Variants in VEPH1 observed in about 807,000 individuals in gnomAD.
VEPH1 encodes the protein ventricular zone-expressed PH domain-containing protein homolog 1.
A neutral mutation model predicts 85.2 loss-of-function variants in VEPH1; 80 were observed. The ratio of observed to expected loss-of-function variants is 0.94; its 90% confidence interval spans 0.78 to 1.13. The LOEUF (loss-of-function observed/expected upper bound fraction) is 1.13. Ranked by LOEUF, VEPH1 falls within the 50% of genes most tolerant of loss-of-function variation. The pLI, the probability that VEPH1 is intolerant of heterozygous loss-of-function variation, is 0.00. For synonymous variants in VEPH1, 297 were observed against 348.0 expected (o/e 0.85, Z 1.63); for missense variants, 955 against 980.5 (o/e 0.97, Z 0.35).
chr3:157,462,907 T>G (rs1295490773), intron 3 of VEPH1, among the ~76,000 whole-genome samples: 1 of 152,130 alleles, frequency 6.6e-6, no homozygotes, highest in African/African-American at 2.4e-5. Context: ...AAATTATAAT[T>G]AAGGAGCCAT....
chr3:157,492,504 G>A (rs552459833), intron 2 of VEPH1, among the ~76,000 whole-genome samples: 1 of 152,218 alleles, frequency 6.6e-6, no homozygotes, highest in Non-Finnish European at 1.5e-5. Flanking sequence ...TCTTTGTCAT[G>A]GAAAAACCCA....
chr3:157,369,935 A>G (rs1727297926), intron 7 of VEPH1, among the ~76,000 whole-genome samples: 1 of 152,130 alleles, frequency 6.6e-6, no homozygotes, highest in Admixed American at 6.5e-5. Context: ...GGCAGGGGCC[A>G]GTGGATTGGG....
chr3:157,272,460 C>T (rs1276281793), intron 12 of VEPH1, among the ~76,000 whole-genome samples: 2 of 126,456 alleles, frequency 1.6e-5, no homozygotes, highest in African/African-American at 5.9e-5. Context: ...TCTCTTTCTT[C>T]TCCCTTTCTT....
At chr3:157,465,562 G>T (rs1309378475) in intron 3 of VEPH1, among the ~76,000 whole-genome samples, 3 of 152,210 alleles carry the variant, frequency 2.0e-5, no homozygotes, top group Non-Finnish European at 2.9e-5. Context: ...ACAGAGCAGA[G>T]CTGGGATTGC....
At chr3:157,356,888 C>T (rs550209064) in intron 9 of VEPH1, among the ~76,000 whole-genome samples, 1 of 152,256 alleles carries the variant, frequency 6.6e-6, no homozygotes, top group Admixed American at 6.5e-5. Context: ...TTTTATACTG[C>T]ACTGCATCCC....
At chr3:157,318,515 G>A (rs553261710) in intron 9 of VEPH1, among the ~76,000 whole-genome samples, 1 of 152,190 alleles carries the variant, frequency 6.6e-6, no homozygotes, top group African/African-American at 2.4e-5. Flanking sequence ...GGCAGAGCAG[G>A]AGGTGGGCTT....
At chr3:157,301,390 C>A (rs1036643410) in intron 11 of VEPH1, among the ~76,000 whole-genome samples, 2 of 152,050 alleles carry the variant, frequency 1.3e-5, no homozygotes, top group African/African-American at 4.8e-5. Context: ...TTTCCTGGGC[C>A]TGTTTCATCA....
chr3:157,445,088 T>C (rs1315425971), intron 4 of VEPH1, among the ~76,000 whole-genome samples: 1 of 152,186 alleles, frequency 6.6e-6, no homozygotes, highest in Non-Finnish European at 1.5e-5. Flanking sequence ...CTTTTCCTCC[T>C]TCTGTCTGAT....
At chr3:157,416,598 C>G (rs1031153227) in intron 5 of VEPH1, among the ~76,000 whole-genome samples, 4 of 152,156 alleles carry the variant, frequency 2.6e-5, no homozygotes, top group African/African-American at 9.7e-5. Context: ...GTTTCATTTG[C>G]CAGTCCTTAC....
chr3:157,271,530 G>A (rs1233611427), intron 12 of VEPH1, among the ~76,000 whole-genome samples: 1 of 152,220 alleles, frequency 6.6e-6, no homozygotes, highest in Admixed American at 6.5e-5. Flanking sequence ...GACTTAGTGG[G>A]AGACCTGTAT....
intron 4 of VEPH1, among the ~76,000 whole-genome samples, chr3:157,446,819 AG>A (rs1409746639): frequency 2.6e-5 from 4 of 152,168 alleles, no homozygotes; most frequent in African/African-American, 7.2e-5. Flanking sequence ...GTAGCAGAAA[AG>A]TTTGCTGGGT....
rs147712079 is a variant in VEPH1, at chr3:157,480,767, A to G, written c.139-10238T>C. On this transcript the variant is annotated intron_variant, in intron 2 of 13. Coordinates refer to ENST00000362010, the MANE Select transcript of VEPH1 (RefSeq NM_001167912.2). ...AGTGCTGCAATGAACATAAAACTGC[A>G]TATGTCTTTCTGGTAGAATAATTTA... is the stretch of plus-strand genomic sequence containing the variant. Among the ~76,000 whole-genome samples, 616 of 152,238 alleles carry G rather than the reference A, an allele frequency of 4.0e-3. 2 individuals are homozygous for G. The highest frequency in any genetic ancestry group is 0.014 in the African/African-American group (568 of 41,536).
At chr3:157,442,242 G>A in intron 4 of VEPH1, 1 of 909,254 alleles carries the variant, frequency 1.1e-6, no homozygotes, top group South Asian at 2.0e-5. Flanking sequence ...AAGTCGTAAT[G>A]TAGGGTTTCA....
At chr3:157,407,499 T>A (rs775037305) in intron 6 of VEPH1, among the ~76,000 whole-genome samples, 1 of 152,176 alleles carries the variant, frequency 6.6e-6, no homozygotes, top group Non-Finnish European at 1.5e-5. Context: ...AATAAAAATT[T>A]ACATACACCA....
At position 157,392,439 on chromosome 3, in the gene VEPH1, G is replaced by A. The variant is rs945972241; in HGVS notation, c.907-11063C>T. The stretch of plus-strand genomic sequence containing the variant: ...CCCCATGATTCAATTACCTCCCACC[G>A]GGTCCCTCCCACCACATGTGGGAAT... On this transcript the variant is annotated intron_variant, in intron 6 of 13. Transcript: ENST00000362010. 4.6e-5 allele frequency among the ~76,000 whole-genome samples: 7 copies of A among 152,108 alleles called. No individual in the cohort carries two copies. The East Asian group carries it at 7.7e-4, about 17-fold the overall frequency.
intron 1 of VEPH1, among the ~76,000 whole-genome samples, chr3:157,500,651 GA>G (rs1272882310): frequency 2.0e-5 from 3 of 152,058 alleles, no homozygotes; most frequent in African/African-American, 7.2e-5. Context: ...TCTTTTAATG[GA>G]ATAGATGATA....
chr3:157,340,638 A>C (rs1045639912), intron 9 of VEPH1, among the ~76,000 whole-genome samples: 1 of 152,186 alleles, frequency 6.6e-6, no homozygotes, highest in African/African-American at 2.4e-5. Flanking sequence ...AACTTCTGCA[A>C]ACTTAAATGT....
At chr3:157,296,420 C>T (rs968009841) in intron 11 of VEPH1, among the ~76,000 whole-genome samples, 15 of 152,140 alleles carry the variant, frequency 9.9e-5, no homozygotes, top group African/African-American at 3.6e-4. Flanking sequence ...CGTGTGTATG[C>T]GTGTGTGGGC....
intron 4 of VEPH1, among the ~76,000 whole-genome samples, chr3:157,446,228 C>A (rs1402200114): frequency 6.6e-6 from 1 of 151,434 alleles, no homozygotes; most frequent in African/African-American, 2.4e-5. Flanking sequence ...GTAGAGTGAA[C>A]AACTGTCCTG....
Sources: gnomAD v4.1 joint callset for allele counts (sites outside exome capture counted in the v4.1 genomes callset) on GRCh38, gnomAD v4.1.1 for gene constraint, MANE v1.5 for transcripts, NCBI Gene and HGNC (gene_info 2026-07-23, HGNC 2026-07-21) for gene names.